Variants in KLHL8 observed in about 807,000 individuals in gnomAD.
KLHL8 encodes kelch-like protein 8.
A neutral mutation model predicts 63.5 loss-of-function variants in KLHL8; 38 were observed. That is an observed-to-expected ratio of 0.60 (90% CI 0.46 to 0.78). The LOEUF (loss-of-function observed/expected upper bound fraction) is 0.78. Among genes scored for constraint, KLHL8 ranks in the 30% least tolerant of loss-of-function variants. The pLI, the probability that KLHL8 is intolerant of heterozygous loss-of-function variation, is 0.00. For missense variants in KLHL8, 566 were observed against 752.4 expected, an observed-to-expected ratio of 0.75 and a Z score of 2.90; for synonymous variants, 224 against 254.3, an observed-to-expected ratio of 0.88 and a Z score of 1.13.
chr4:87,231,828 C>T (rs777314127), intron 1 of KLHL8, among the ~76,000 whole-genome samples: 41 of 152,208 alleles, frequency 2.7e-4, no homozygotes, highest in African/African-American at 8.9e-4. Flanking sequence ...GAACTCCTGA[C>T]CACAAGTGAT....
At chr4:87,167,262 G>A in intron 8 of KLHL8, 1 of 488,114 alleles carries the variant, frequency 2.0e-6, no homozygotes, top group Non-Finnish European at 3.9e-6. Context: ...CCCAGGACAG[G>A]ACCCATATTA....
At chr4:87,240,310 C>T (rs1733306005) in exon 1 of KLHL8, 1 of 152,214 alleles carries the variant, frequency 6.6e-6, no homozygotes, top group African/African-American at 2.4e-5. Flanking sequence ...AAAATGACAG[C>T]ATCTAAAGAG....
In KLHL8 at chr4:87,185,233, T is replaced by A. The variant is rs371135017; in HGVS notation, c.765+18A>T. The A allele has an allele frequency of 8.7e-5, 137 of 1,581,464 alleles. No homozygotes were observed. Among genetic ancestry groups the A allele is most frequent in the Non-Finnish European group, 1.1e-4 (133 of 1,162,220 alleles). ...CATATCACTTCATTTCTGTGTGAAA[T>A]CTTATTTCAGCTCCTACCTGTGCAA... On this transcript the variant is annotated intron_variant, in intron 3 of 9. Coordinates refer to ENST00000273963, the MANE Select transcript of KLHL8 (RefSeq NM_020803.5).
rs1730184253 is a variant in KLHL8, at chr4:87,161,725, T to G, written c.*1794A>C. Reference sequence around the variant, plus strand: ...ACACTTATTCTCCACATCCAGCCAGTTGTCACCAGTCTAGTAAGTGCTACA... The same window carrying G: ...ACACTTATTCTCCACATCCAGCCAGGTGTCACCAGTCTAGTAAGTGCTACA... On this transcript the variant is annotated 3_prime_UTR_variant, in exon 10 of 10. Transcript: ENST00000273963. The G allele has an allele frequency of 6.6e-6, 1 of 152,212 alleles. No homozygotes were observed. Among genetic ancestry groups the G allele is most frequent in the East Asian group, 1.9e-4 (1 of 5,198 alleles). 9.4% of individuals were successfully genotyped at this position (152,212 alleles called of 1,614,324 possible).
chr4:87,185,262 T>C lies in KLHL8; in HGVS notation c.754A>G (p.Thr252Ala). Residue 252 changes from threonine (T) to alanine (A), a missense_variant, in exon 3 of 10, where the codon ACA (threonine) becomes GCA (alanine). By Grantham distance (58) the Thr-to-Ala change is moderately conservative (BLOSUM62 0). Transcript: ENST00000273963. ...ATTTCAGCTCCTACCTGTGCAAGTG[T>C]TTCATCCAACCATTTGGAATGATGC... Reference protein sequence around the residue: ...PQHHSKWLDETLAQVRLPLLP... With the variant: ...PQHHSKWLDEALAQVRLPLLP... 6.2e-7 allele frequency: 1 copy of C among 1,610,820 alleles called. No homozygotes were observed. Among genetic ancestry groups the C allele is most frequent in the Non-Finnish European group, 8.5e-7 (1 of 1,177,860 alleles).
chr4:87,210,480 C>CAATAAT (rs1014707017), intron 1 of KLHL8, among the ~76,000 whole-genome samples: 5 of 151,196 alleles, frequency 3.3e-5, no homozygotes, highest in African/African-American at 7.3e-5. Flanking sequence ...GACTCCATCT[C>CAATAAT]AATAATAATA....
At chr4:87,170,637 C>A in intron 6 of KLHL8, 22 bp from the exon 7 acceptor site, 1 of 1,583,188 alleles carries the variant, frequency 6.3e-7, no homozygotes, top group South Asian at 1.2e-5. Context: ...ATAAAACATA[C>A]TTTAGCAAAT....
At chr4:87,176,897 A>C in intron 5 of KLHL8, 29 bp from the exon 6 acceptor site, 1 of 1,118,242 alleles carries the variant, frequency 8.9e-7, no homozygotes, top group Non-Finnish European at 1.3e-6. Flanking sequence ...TTTTCATTTG[A>C]CTCCAAACAA....
intron 1 of KLHL8, among the ~76,000 whole-genome samples, chr4:87,215,480 A>G (rs1732560035): frequency 1.3e-5 from 2 of 152,196 alleles, no homozygotes; most frequent in African/African-American, 4.8e-5. Context: ...AAATGAAAAT[A>G]TTAATATCAA....
intron 3 of KLHL8, among the ~76,000 whole-genome samples, chr4:87,184,279 CAT>C (rs1276045430): frequency 6.6e-6 from 1 of 152,156 alleles, no homozygotes. Flanking sequence ...CTTTGATACT[CAT>C]ATGAATGCAT....
intron 1 of KLHL8, 138 bp from the exon 2 acceptor site, chr4:87,195,828 T>C: frequency 3.8e-6 from 1 of 263,118 alleles, no homozygotes; most frequent in East Asian, 7.4e-5. Context: ...GTTTTTATGC[T>C]AAATAACACA....
intron 1 of KLHL8, among the ~76,000 whole-genome samples, chr4:87,211,414 G>T (rs1223474387): frequency 2.0e-5 from 3 of 152,112 alleles, no homozygotes; most frequent in Non-Finnish European, 4.4e-5. Flanking sequence ...GAATCTGCTG[G>T]TTTGAAAAAC....
chr4:87,170,670 G>C, intron 6 of KLHL8, 55 bp from the exon 7 acceptor site: 3 of 1,484,032 alleles, frequency 2.0e-6, no homozygotes, highest in Non-Finnish European at 1.8e-6. Context: ...AGGAAAAAAA[G>C]TCATATAAAA....
chr4:87,199,917 G>A (rs138537228), intron 1 of KLHL8, among the ~76,000 whole-genome samples: 43 of 152,002 alleles, frequency 2.8e-4, no homozygotes, highest in African/African-American at 9.4e-4. Flanking sequence ...GCTGATACTC[G>A]AGGATTGTTT....
chr4:87,192,237 A>AT (rs1341515858), intron 2 of KLHL8, among the ~76,000 whole-genome samples: 2 of 152,186 alleles, frequency 1.3e-5, no homozygotes, highest in Non-Finnish European at 2.9e-5. Flanking sequence ...CCAACAGTGT[A>AT]TAAGTGTTCC....
At chr4:87,184,695 T>C (rs1218409703) in intron 3 of KLHL8, among the ~76,000 whole-genome samples, 1 of 152,100 alleles carries the variant, frequency 6.6e-6, no homozygotes, top group Non-Finnish European at 1.5e-5. Flanking sequence ...CAAGGGCCTA[T>C]AATCTTCTTA....
At chr4:87,209,306 C>T (rs1732291431) in intron 1 of KLHL8, among the ~76,000 whole-genome samples, 1 of 152,148 alleles carries the variant, frequency 6.6e-6, no homozygotes, top group South Asian at 2.1e-4. Context: ...AATGGACATC[C>T]GTGGCACATC....
intron 1 of KLHL8, among the ~76,000 whole-genome samples, chr4:87,231,480 T>C (rs977205562): frequency 6.6e-6 from 1 of 152,208 alleles, no homozygotes; most frequent in Non-Finnish European, 1.5e-5. Flanking sequence ...AATGATGTGA[T>C]AATCCCACCT....
At chr4:87,171,710 C>G (rs963510861) in intron 6 of KLHL8, among the ~76,000 whole-genome samples, 1 of 152,180 alleles carries the variant, frequency 6.6e-6, no homozygotes, top group African/African-American at 2.4e-5. Flanking sequence ...CCTCAAAACT[C>G]TCTTGGTTTT....
Sources: gnomAD v4.1 joint callset for allele counts (sites outside exome capture counted in the v4.1 genomes callset) on GRCh38, gnomAD v4.1.1 for gene constraint, MANE v1.5 for transcripts, NCBI Gene and HGNC (gene_info 2026-07-23, HGNC 2026-07-21) for gene names.